The following CD36 variants were observed in gnomAD, a reference collection of about 807,000 sequenced individuals.
CD36 encodes the protein CD36 molecule (CD36 blood group).
CD36 carries 119 observed loss-of-function variants against 55.2 expected under a neutral mutation model. The observed-to-expected ratio is 2.15, with a 90% CI of 1.86 to 2.51. The LOEUF is 2.51. Ranked by LOEUF, CD36 falls within the 30% of genes most tolerant of loss-of-function variation. The pLI is 0.00. For missense variants in CD36, 819 were observed against 555.5 expected (o/e 1.47, Z -4.77); for synonymous variants, 186 against 193.6 (o/e 0.96, Z 0.33).
intron 1 of CD36, chr7:80,626,344 G>A (rs1339289136): frequency 5.3e-5 from 8 of 151,892 alleles, no homozygotes; most frequent in Admixed American, 4.6e-4. Context: ...TATAATGGTC[G>A]AGAACTACAT....
At position 80,656,610 on chromosome 7, in the gene CD36, A is replaced by G. The variant is rs753295885; in HGVS notation, c.191A>G (p.Gln64Arg). ...WVKTGTEVYR[Q>R]FWIFDVQNPQ... ...AAAACAGGCACAGAAGTTTACAGAC[A>G]GTTTTGGATCTTTGATGTGCAAAAT... The change falls in exon 4 of 15, where the codon CAG becomes CGG. Residue 64 changes from glutamine (Q) to arginine (R), a missense_variant. Transcript: ENST00000447544. 1.2e-6 allele frequency: 2 copies of G among 1,613,884 alleles called. No homozygotes were observed. Among genetic ancestry groups the G allele is most frequent in the African/African-American group, 1.3e-5 (1 of 75,050 alleles).
At chr7:80,638,955 T>G (rs1211320760) in intron 1 of CD36, among the ~76,000 whole-genome samples, 2 of 152,018 alleles carry the variant, frequency 1.3e-5, no homozygotes, top group African/African-American at 4.8e-5. Context: ...CTATATTTTA[T>G]GCTTAAACCA....
intron 4 of CD36, among the ~76,000 whole-genome samples, chr7:80,658,449 T>G (rs1240121463): frequency 1.3e-5 from 2 of 152,092 alleles, no homozygotes; most frequent in African/African-American, 2.4e-5. Flanking sequence ...CATCATGATT[T>G]TTTTTGTTTG....
chr7:80,629,862 C>G (rs560945713), intron 1 of CD36, among the ~76,000 whole-genome samples: 3 of 149,714 alleles, frequency 2.0e-5, no homozygotes, highest in South Asian at 4.2e-4. Context: ...TCTTATTCAC[C>G]TAGATTGTCT....
intron 3 of CD36, among the ~76,000 whole-genome samples, chr7:80,650,927 C>CG (rs1554338198): frequency 3.0e-5 from 4 of 133,542 alleles, no homozygotes; most frequent in Admixed American, 2.2e-4. Flanking sequence ...TGCAGTCTTT[C>CG]AAAAAAAAAA....
chr7:80,642,997 G>A (rs1408303932), intron 1 of CD36, among the ~76,000 whole-genome samples: 1 of 152,134 alleles, frequency 6.6e-6, no homozygotes, highest in Non-Finnish European at 1.5e-5. Context: ...AGCAGACAGA[G>A]CTAGGCAGTA....
At position 80,677,353 on chromosome 7, in the gene CD36, T is replaced by A. The variant is rs1221521052; in HGVS notation, c.*970T>A. 2.6e-5 allele frequency: 4 copies of A among 152,190 alleles called. No homozygotes were observed. Among genetic ancestry groups the A allele is most frequent in the Admixed American group, 1.3e-4 (2 of 15,284 alleles). 9.4% of individuals were successfully genotyped at this position (152,190 alleles called of 1,614,324 possible). On this transcript the variant is annotated 3_prime_UTR_variant, in exon 15 of 15. Transcript: ENST00000447544. ...AAAGCTCCAGCATAGAAAGGGAAGA[T>A]AAACCAAATTCTAGCTTGTGTTTTA... is the stretch of plus-strand genomic sequence containing the variant.
In CD36 at chr7:80,673,711, A is replaced by G. The variant is rs1562827612; in HGVS notation, c.1255-272A>G. 24 of 561,904 alleles carry G rather than the reference A, an allele frequency of 4.3e-5. No homozygotes were observed. In the South Asian group the frequency reaches 5.1e-4, roughly 12 times the overall value. The allele number at this position is 561,904 out of a possible 1,614,324, so 34.8% of individuals were successfully genotyped here. ...TGCATTGATAGCTATAAAAATAGGA[A>G]AAACATTGAATAAGTCTTTGGAGCA... is the stretch of plus-strand genomic sequence containing the variant. On this transcript the variant is annotated intron_variant, in intron 13 of 14. Coordinates refer to ENST00000447544, the MANE Select transcript of CD36 (RefSeq NM_001001548.3).
At chr7:80,671,201 A>C in intron 10 of CD36, 37 bp downstream of exon 10, 1 of 1,336,968 alleles carries the variant, frequency 7.5e-7, no homozygotes, top group South Asian at 1.2e-5. Context: ...TCCATACCAT[A>C]ATTTGTGATA....
chr7:80,624,395 A>G (rs935612140), intron 1 of CD36, among the ~76,000 whole-genome samples: 1 of 152,142 alleles, frequency 6.6e-6, no homozygotes, highest in African/African-American at 2.4e-5. Flanking sequence ...CCTGTTTCAA[A>G]CTTTTAAATA....
At chr7:80,650,109 T>C (rs1795484599) in intron 3 of CD36, among the ~76,000 whole-genome samples, 1 of 152,060 alleles carries the variant, frequency 6.6e-6, no homozygotes, top group Non-Finnish European at 1.5e-5. Context: ...AGATTCAGAC[T>C]TCCTAGTGTA....
chr7:80,633,574 T>C (rs1310162927), intron 1 of CD36, among the ~76,000 whole-genome samples: 1 of 152,026 alleles, frequency 6.6e-6, no homozygotes, highest in African/African-American at 2.4e-5. Context: ...TCTTGTCTTT[T>C]GCAATTTAAT....
In CD36 at chr7:80,672,795, C is replaced by CA. The variant is rs765809606; in HGVS notation, c.1155dup (p.Arg386ThrfsTer32). On this transcript the variant is annotated frameshift_variant, in exon 12 of 15. Coordinates refer to ENST00000447544, the MANE Select transcript of CD36 (RefSeq NM_001001548.3). LOFTEE classifies it high-confidence loss of function. ...ATAACTGGATTCACTTTACAATTTG[C>CA]AAAACGGCTGCAGGTCAACCTATTG... 10 of 1,609,536 alleles carry CA rather than the reference C, an allele frequency of 6.2e-6. No homozygotes were observed. The highest frequency in any genetic ancestry group is 1.7e-5 in the Admixed American group (1 of 59,712).
intron 13 of CD36, chr7:80,673,744 C>CTGT (rs946796505): frequency 1.6e-5 from 9 of 575,644 alleles, no homozygotes; most frequent in Non-Finnish European, 2.8e-5. Context: ...GCAAATGAAA[C>CTGT]TGTTGACCCT....
At chr7:80,629,844 AG>A (rs1793971211) in intron 1 of CD36, among the ~76,000 whole-genome samples, 1 of 151,652 alleles carries the variant, frequency 6.6e-6, no homozygotes, top group Non-Finnish European at 1.5e-5. Flanking sequence ...GCCTATTTTT[AG>A]TTTAAATCTT....
At position 80,615,145 on chromosome 7, in the gene CD36, G is replaced by A. The variant is rs548462880; in HGVS notation, c.-184+12766G>A. Among the ~76,000 whole-genome samples, 31 of 152,208 alleles carry A rather than the reference G, an allele frequency of 2.0e-4. No individual in the cohort carries two copies. The South Asian group carries it at 6.4e-3, about 32-fold the overall frequency. On this transcript the variant is annotated intron_variant, in intron 1 of 13. Transcript: ENST00000309881. Reference sequence around the variant, plus strand: ...AATGAGACCACATTCCCTTCATCAGGCTGAATACAAGTTTTAGTTCAGGGC... The same window carrying A: ...AATGAGACCACATTCCCTTCATCAGACTGAATACAAGTTTTAGTTCAGGGC...
chr7:80,625,210 C>G (rs972236325), intron 1 of CD36, among the ~76,000 whole-genome samples: 3 of 151,970 alleles, frequency 2.0e-5, no homozygotes, highest in Admixed American at 1.3e-4. Flanking sequence ...CGGAATGATA[C>G]TGGGAAATAT....
chr7:80,644,839 T>A (rs749015492), intron 1 of CD36, among the ~76,000 whole-genome samples: 1 of 152,188 alleles, frequency 6.6e-6, no homozygotes, highest in Non-Finnish European at 1.5e-5. Context: ...AAGTAGAGAA[T>A]AATTGTTTAT....
intron 8 of CD36, among the ~76,000 whole-genome samples, chr7:80,667,058 G>T (rs1360553785): frequency 1.3e-5 from 2 of 152,106 alleles, no homozygotes; most frequent in Admixed American, 1.3e-4. Flanking sequence ...TTAAGGTATG[G>T]TTAGATCAGG....
Sources: gnomAD v4.1 joint callset for allele counts (sites outside exome capture counted in the v4.1 genomes callset) on GRCh38, gnomAD v4.1.1 for gene constraint, MANE v1.5 for transcripts, NCBI Gene and HGNC (gene_info 2026-07-23, HGNC 2026-07-21) for gene names.